The following FAM107B variants were observed in gnomAD, a reference collection of about 807,000 sequenced individuals.
The protein encoded by FAM107B is family with sequence similarity 107 member B, also known as protein FAM107B.
Under a neutral mutation model 31.5 loss-of-function variants are expected in FAM107B, and 21 were observed. The observed-to-expected ratio is 0.67, with a 90% CI of 0.47 to 0.96. The LOEUF (loss-of-function observed/expected upper bound fraction) is 0.96, where lower values mean the gene tolerates loss of function less well. Among genes scored for constraint, FAM107B ranks in the 40% least tolerant of loss-of-function variants. The probability of loss-of-function intolerance (pLI) is 0.00; values close to 1 mark genes in which losing one functional copy is unlikely to be tolerated. For synonymous variants in FAM107B, 157 were observed against 141.5 expected, an observed-to-expected ratio of 1.11 and a Z score of -0.78; for missense variants, 452 against 377.1, an observed-to-expected ratio of 1.20 and a Z score of -1.64.
chr10:14,731,321 G>A (rs1278631683), intron 1 of FAM107B, among the ~76,000 whole-genome samples: 2 of 152,146 alleles, frequency 1.3e-5, no homozygotes. Flanking sequence ...CAGCAGTATG[G>A]GGGGCCGAGG....
intron 2 of FAM107B, among the ~76,000 whole-genome samples, chr10:14,637,483 A>T (rs1853529446): frequency 6.6e-6 from 1 of 152,030 alleles, no homozygotes; most frequent in African/African-American, 2.4e-5. Context: ...AAAATACAAA[A>T]ATTAGCCAGG....
intron 1 of FAM107B, among the ~76,000 whole-genome samples, chr10:14,770,366 T>C (rs1380114549): frequency 1.3e-5 from 2 of 151,798 alleles, no homozygotes; most frequent in African/African-American, 4.8e-5. Context: ...CTACTAAAAA[T>C]ACAAAAATTA....
At chr10:14,770,452 G>A (rs1245072261) in intron 1 of FAM107B, among the ~76,000 whole-genome samples, 1 of 152,068 alleles carries the variant, frequency 6.6e-6, no homozygotes, top group Admixed American at 6.6e-5. Context: ...GAACACGGGA[G>A]GCAGAAGTTG....
At chr10:14,647,597 A>T (rs1853789623) in intron 2 of FAM107B, among the ~76,000 whole-genome samples, 1 of 151,684 alleles carries the variant, frequency 6.6e-6, no homozygotes, top group South Asian at 2.1e-4. Flanking sequence ...GGCAGGAGGA[A>T]TCACTTGAAC....
At chr10:14,769,852 TTGCTTAGTG>T (rs1480348669) in intron 1 of FAM107B, among the ~76,000 whole-genome samples, 5 of 152,216 alleles carry the variant, frequency 3.3e-5, no homozygotes, top group Non-Finnish European at 7.3e-5. Flanking sequence ...AAACTTTTAG[TTGCTTAGTG>T]TGTGAACTCT....
chr10:14,619,092 G>C (rs1378692229), intron 2 of FAM107B, among the ~76,000 whole-genome samples: 1 of 152,156 alleles, frequency 6.6e-6, no homozygotes, highest in African/African-American at 2.4e-5. Flanking sequence ...CCTTCAGAGG[G>C]AGCTTCAGAG....
chr10:14,743,731 G>A (rs1172464139), intron 1 of FAM107B, among the ~76,000 whole-genome samples: 3 of 152,300 alleles, frequency 2.0e-5, no homozygotes, highest in African/African-American at 7.2e-5. Flanking sequence ...TTTTGTACCA[G>A]TACCATGATG....
chr10:14,603,006 C>T (rs1056281861), intron 2 of FAM107B, among the ~76,000 whole-genome samples: 2 of 150,926 alleles, frequency 1.3e-5, no homozygotes, highest in African/African-American at 4.9e-5. Context: ...TTCCCACACA[C>T]ACACACACAC....
chr10:14,570,810 A>AG (rs397784382), intron 2 of FAM107B, among the ~76,000 whole-genome samples: 1 of 151,260 alleles, frequency 6.6e-6, no homozygotes, highest in Non-Finnish European at 1.5e-5. Flanking sequence ...TCAAAAAAAA[A>AG]AGAAGTAAAT....
chr10:14,630,858 TA>T (rs1853336812), intron 2 of FAM107B, among the ~76,000 whole-genome samples: 1 of 151,362 alleles, frequency 6.6e-6, no homozygotes, highest in Non-Finnish European at 1.5e-5. Context: ...TCAAAAATAA[TA>T]ATAATAATAA....
chr10:14,773,993 G>A (rs1833363296), intron 1 of FAM107B, among the ~76,000 whole-genome samples: 1 of 152,130 alleles, frequency 6.6e-6, no homozygotes, highest in Non-Finnish European at 1.5e-5. Flanking sequence ...TTGGCTCTAA[G>A]GCACCCTAGC....
chr10:14,636,159 C>G (rs1853493475), intron 2 of FAM107B, among the ~76,000 whole-genome samples: 1 of 151,476 alleles, frequency 6.6e-6, no homozygotes, highest in Admixed American at 6.6e-5. Flanking sequence ...CTTCACCAAT[C>G]AATCTGAGCA....
At chr10:14,604,246 G>T (rs1271899570) in intron 2 of FAM107B, 1 of 979,488 alleles carries the variant, frequency 1.0e-6, no homozygotes, top group East Asian at 1.2e-4. Context: ...CTACCTCGGC[G>T]CGCGCACAAA....
rs1248296701 is a variant in FAM107B, at chr10:14,521,986, C to A, written c.687G>T (p.Gln229His). ...GLAPQNKPELQKVMEKRKRDQ... is the reference protein window; with the variant it reads ...GLAPQNKPELHKVMEKRKRDQ... ...CTCGTTTTCTTTTTTCCATCACCTTCTGCAATTCTGGTTTGTTCTGAGGAG... is the reference window on the plus strand; with the variant it reads ...CTCGTTTTCTTTTTTCCATCACCTTATGCAATTCTGGTTTGTTCTGAGGAG... The change falls in exon 4 of 5, where the codon CAG becomes CAT. Residue 229 changes from glutamine (Q) to histidine (H), a missense_variant. Coordinates refer to ENST00000181796, the MANE Select transcript of FAM107B (RefSeq NM_031453.4). The A allele has an allele frequency of 2.5e-6, 4 of 1,614,104 alleles. No homozygotes were observed. The Admixed American group carries it at 5.0e-5, about 20-fold the overall frequency.
chr10:14,648,550 C>T (rs889243417), intron 2 of FAM107B, among the ~76,000 whole-genome samples: 11 of 152,146 alleles, frequency 7.2e-5, no homozygotes, highest in African/African-American at 1.4e-4. Context: ...CCAGCTTTTC[C>T]AGCAGACACC....
chr10:14,592,971 CT>C (rs1191079167), intron 2 of FAM107B, among the ~76,000 whole-genome samples: 1 of 152,204 alleles, frequency 6.6e-6, no homozygotes, highest in East Asian at 1.9e-4. Flanking sequence ...TAACTGGCCA[CT>C]GCACTGCCTG....
At chr10:14,746,675 A>T (rs547070548) in intron 1 of FAM107B, among the ~76,000 whole-genome samples, 28 of 152,314 alleles carry the variant, frequency 1.8e-4, no homozygotes, top group Middle Eastern at 3.4e-3. Context: ...TGTCAGTCTG[A>T]TGGGCTTCCC....
At chr10:14,687,895 G>A (rs1471309216) in intron 1 of FAM107B, among the ~76,000 whole-genome samples, 4 of 152,178 alleles carry the variant, frequency 2.6e-5, no homozygotes, top group East Asian at 3.9e-4. Flanking sequence ...ACACAAATGC[G>A]CTGTGATGGT....
chr10:14,596,950 CAG>C lies in FAM107B; in HGVS notation c.470-66437_470-66436del, dbSNP rs749616416. 9.3e-4 allele frequency among the ~76,000 whole-genome samples: 142 copies of C among 152,214 alleles called. 1 individual carries two copies. Among genetic ancestry groups the C allele is most frequent in the Admixed American group, 1.3e-3 (20 of 15,294 alleles). On this transcript the variant is annotated intron_variant, in intron 2 of 4. Transcript: ENST00000181796. ...TTTTATAGAAGACGACGCTGGGAAA[CAG>C]AAATAATGACATGCTCAAAAGTCAT...
Sources: gnomAD v4.1 joint callset for allele counts (sites outside exome capture counted in the v4.1 genomes callset) on GRCh38, gnomAD v4.1.1 for gene constraint, MANE v1.5 for transcripts, NCBI Gene and HGNC (gene_info 2026-07-23, HGNC 2026-07-21) for gene names.